SLC38A6: variants seen among roughly 807,000 people sequenced by gnomAD.
SLC38A6 encodes the protein solute carrier family 38 member 6.
In SLC38A6, 73 loss-of-function variants were observed where a neutral mutation model predicts 65.0. The observed-to-expected ratio is 1.12, with a 90% CI of 0.93 to 1.37. SLC38A6 has a LOEUF of 1.37. Ranked by LOEUF, SLC38A6 falls within the 40% of genes most tolerant of loss-of-function variation. The pLI is 0.00. For missense variants in SLC38A6, 561 were observed against 531.1 expected, an observed-to-expected ratio of 1.06 and a Z score of -0.55; for synonymous variants, 183 against 178.8, an observed-to-expected ratio of 1.02 and a Z score of -0.19.
intron 3 of SLC38A6, among the ~76,000 whole-genome samples, chr14:61,012,068 A>T (rs2039620373): frequency 6.6e-6 from 1 of 152,062 alleles, no homozygotes; most frequent in Admixed American, 6.6e-5. Flanking sequence ...AGAGCCTGTT[A>T]TTGGTCTATT....
chr14:61,065,140 A>G (rs1232750526), intron 15 of SLC38A6, among the ~76,000 whole-genome samples: 1 of 152,094 alleles, frequency 6.6e-6, no homozygotes, highest in African/African-American at 2.4e-5. Context: ...ATGCTTTTCC[A>G]TCTAGAAGCA....
At position 61,083,585 on chromosome 14, in the gene SLC38A6, G is replaced by C; in HGVS notation, c.1439G>C (p.Arg480Thr). Residue 480 changes from arginine (R) to threonine (T), a missense_variant, in exon 17 of 17, where the codon AGG becomes ACG. Arg to Thr is a moderately conservative substitution (Grantham distance 71, BLOSUM62 -1). Coordinates refer to the SLC38A6 transcript ENST00000354886. ...GATACCATGGAGATGTGCACCCAGA[G>C]GAAAGGCCACGCAAGGACACAGCAA... 1.3e-6 allele frequency: 2 copies of C among 1,550,544 alleles called. 1 individual carries two copies. Among genetic ancestry groups the C allele is most frequent in the South Asian group, 2.4e-5 (2 of 84,054 alleles).
intron 3 of SLC38A6, chr14:61,002,166 A>G (rs1193738309): frequency 6.6e-6 from 1 of 152,230 alleles, no homozygotes; most frequent in South Asian, 2.1e-4. Flanking sequence ...GCCATGAGAA[A>G]GAATGTTCCT....
intron 3 of SLC38A6, among the ~76,000 whole-genome samples, chr14:60,996,983 A>G (rs1018633404): frequency 2.0e-5 from 3 of 152,234 alleles, no homozygotes; most frequent in African/African-American, 4.8e-5. Flanking sequence ...TTAGTGAACA[A>G]TAGAGTATAC....
chr14:60,981,659 A>C, intron 1 of SLC38A6: 2 of 1,424,956 alleles, frequency 1.4e-6, no homozygotes, highest in Non-Finnish European at 1.9e-6. Flanking sequence ...TGATGGGATG[A>C]GCGGCCCTAG....
chr14:61,027,147 T>C (rs2040654676), intron 5 of SLC38A6, among the ~76,000 whole-genome samples: 1 of 152,162 alleles, frequency 6.6e-6, no homozygotes, highest in Non-Finnish European at 1.5e-5. Context: ...AGTTGACAGA[T>C]GTTTTATTTT....
At chr14:61,078,814 T>C (rs1202959273) in exon 16 of SLC38A6, 4 of 208,152 alleles carry the variant, frequency 1.9e-5, no homozygotes, top group African/African-American at 7.2e-5. Flanking sequence ...AGACAGGGTC[T>C]CATTCTGTCG....
Position 61,037,646 on chromosome 14 carries a change from G to C in SLC38A6, c.587G>C (p.Ser196Thr). Residue 196 changes from serine to threonine, a missense_variant, in exon 8 of 16, where the codon AGT becomes ACT. Coordinates refer to ENST00000267488, the MANE Select transcript of SLC38A6 (RefSeq NM_153811.3). ...PKIGFLGYTSSLSFFFMMFFA... is the reference protein window; with the variant it reads ...PKIGFLGYTSTLSFFFMMFFA... The stretch of plus-strand genomic sequence containing the variant: ...ACAGGCTTTCTTGGCTACACAAGTA[G>C]TTTATCATTTTTCTTTATGATGTTC... 6.3e-7 allele frequency: 1 copy of C among 1,594,668 alleles called. No homozygotes were observed. The highest frequency in any genetic ancestry group is 8.6e-7 in the Non-Finnish European group (1 of 1,167,688).
chr14:60,996,283 A>G (rs2038290254), intron 3 of SLC38A6, among the ~76,000 whole-genome samples: 1 of 152,230 alleles, frequency 6.6e-6, no homozygotes, highest in Admixed American at 6.5e-5. Flanking sequence ...TTAAAAAGCT[A>G]CATTTAATAA....
chr14:60,994,987 G>C (rs1335089397), intron 3 of SLC38A6, among the ~76,000 whole-genome samples: 1 of 112,682 alleles, frequency 8.9e-6, no homozygotes, highest in Non-Finnish European at 1.7e-5. Flanking sequence ...CTGGGCGACA[G>C]AGCAAGACTC....
intron 3 of SLC38A6, among the ~76,000 whole-genome samples, chr14:61,002,631 C>T (rs1000348286): frequency 6.6e-6 from 1 of 152,142 alleles, no homozygotes; most frequent in Non-Finnish European, 1.5e-5. Flanking sequence ...CTAAACGATT[C>T]CTGTGGAGGC....
intron 6 of SLC38A6, among the ~76,000 whole-genome samples, chr14:61,036,840 CTCTT>C (rs1352374595): frequency 1.3e-5 from 2 of 152,002 alleles, no homozygotes; most frequent in Admixed American, 6.6e-5. Context: ...GAAATGGCAT[CTCTT>C]TGTTTTTATT....
intron 5 of SLC38A6, among the ~76,000 whole-genome samples, chr14:61,023,116 T>A (rs1185727299): frequency 6.6e-6 from 1 of 152,184 alleles, no homozygotes; most frequent in Non-Finnish European, 1.5e-5. Context: ...CTTAAAAGCC[T>A]AAGATTTTGC....
At chr14:61,056,793 C>T (rs1338377524), downstream of SLC38A6, among the ~76,000 whole-genome samples, 1 of 3,614 alleles carries the variant, frequency 2.8e-4, no homozygotes, top group African/African-American at 1.0e-3. Flanking sequence ...CTTTTATTTC[C>T]TTGAGCAGTG....
intron 1 of SLC38A6, chr14:60,982,133 C>T (rs984168669): frequency 1.5e-5 from 7 of 459,592 alleles, no homozygotes; most frequent in African/African-American, 4.0e-5. Context: ...CTGCCCACAG[C>T]AGTCCCAGGT....
Position 60,984,777 on chromosome 14 carries a change from T to C in SLC38A6, c.284T>C (p.Leu95Pro). The change falls in exon 3 of 16, where the codon CTT becomes CCT. Residue 95 changes from leucine (L) to proline (P), a missense_variant. Physicochemically the swap from Leu to Pro is moderately conservative, Grantham distance 98 (BLOSUM62 -3). Coordinates refer to ENST00000267488, the MANE Select transcript of SLC38A6 (RefSeq NM_153811.3). ...VALLASYSVH[L>P]LLSMCIQTAV... is the part of the protein sequence containing the mutation. ...CTCCTGGCTTCTTACTCAGTCCATC[T>C]TCTGCTTAGTATGTGTATTCAGACA... The C allele has an allele frequency of 6.2e-7, 1 of 1,613,952 alleles. No homozygotes were observed. Among genetic ancestry groups the C allele is most frequent in the Non-Finnish European group, 8.5e-7 (1 of 1,179,882 alleles).
At chr14:61,066,874 G>C (rs2043035276) in intron 15 of SLC38A6, among the ~76,000 whole-genome samples, 1 of 152,116 alleles carries the variant, frequency 6.6e-6, no homozygotes, top group Admixed American at 6.6e-5. Flanking sequence ...TCAGTGGACA[G>C]ATACACAACA....
intron 12 of SLC38A6, 91 bp from the exon 13 acceptor site, chr14:61,050,421 C>A: frequency 4.9e-6 from 4 of 816,642 alleles, no homozygotes; most frequent in Non-Finnish European, 6.8e-6. Flanking sequence ...AATCTAAAAT[C>A]TGTTATCATC....
At chr14:61,074,056 C>T (rs2043316847) in intron 15 of SLC38A6, 1 of 152,076 alleles carries the variant, frequency 6.6e-6, no homozygotes, top group African/African-American at 2.4e-5. Flanking sequence ...GTGTGTTAAT[C>T]AACTGTTATT....
Sources: allele counts gnomAD v4.1 joint callset (sites outside exome capture counted in the v4.1 genomes callset), GRCh38; gene constraint gnomAD v4.1.1; transcripts MANE v1.5; gene names NCBI Gene and HGNC (gene_info 2026-07-23, HGNC 2026-07-21).